LMBR1: variants seen among roughly 807,000 people sequenced by gnomAD.
The protein encoded by LMBR1 is limb region 1 protein homolog.
A neutral mutation model predicts 73.9 loss-of-function variants in LMBR1; 52 were observed. That is an observed-to-expected ratio of 0.70 (90% CI 0.56 to 0.89). LMBR1 has a LOEUF of 0.89. LMBR1 is among the 40% of genes least tolerant of loss of function. LMBR1 has a pLI of 0.00. For missense variants in LMBR1, 539 were observed against 579.8 expected (o/e 0.93, Z 0.72); for synonymous variants, 215 against 209.4 (o/e 1.03, Z -0.23).
chr7:156,773,178 C>T (rs1255052764), intron 5 of LMBR1, among the ~76,000 whole-genome samples: 1 of 152,140 alleles, frequency 6.6e-6, no homozygotes, highest in East Asian at 1.9e-4. Context: ...TTAAAAAACA[C>T]TGCTCAAGGA....
intron 4 of LMBR1, among the ~76,000 whole-genome samples, chr7:156,806,534 CAG>C (rs1421724641): frequency 6.7e-6 from 1 of 148,214 alleles, no homozygotes; most frequent in Non-Finnish European, 1.5e-5. Flanking sequence ...TTCCTGATCT[CAG>C]GGGGAAAGCA....
intron 3 of LMBR1, among the ~76,000 whole-genome samples, chr7:156,832,682 T>C (rs919247596): frequency 5.9e-5 from 9 of 152,252 alleles, no homozygotes; most frequent in Non-Finnish European, 1.3e-4. Context: ...TGTGTACAAG[T>C]ATGTGAAAGC....
At chr7:156,711,268 G>A (rs575812396) in intron 15 of LMBR1, among the ~76,000 whole-genome samples, 7 of 152,176 alleles carry the variant, frequency 4.6e-5, no homozygotes, top group Admixed American at 6.5e-5. Context: ...CCAAGATTAC[G>A]CCACTGCACT....
intron 4 of LMBR1, among the ~76,000 whole-genome samples, chr7:156,806,598 CTTTTTTTTTTTTT>C (rs71189962): frequency 4.5e-5 from 2 of 44,672 alleles, no homozygotes; most frequent in Non-Finnish European, 7.9e-5. Context: ...TTTGTAGATG[CTTTTTTTTTTTTT>C]TTTTTTTTTT....
chr7:156,867,176 C>G (rs1352738657), intron 1 of LMBR1, among the ~76,000 whole-genome samples: 1 of 152,220 alleles, frequency 6.6e-6, no homozygotes, highest in Non-Finnish European at 1.5e-5. Flanking sequence ...TGCTCAACAT[C>G]ATTAGTCATC....
In LMBR1 at chr7:156,728,733, A is replaced by G. The variant is rs1563225550; in HGVS notation, c.839-13T>C. 5 of 1,534,400 alleles carry G rather than the reference A, an allele frequency of 3.3e-6. No individual in the cohort carries two copies. The highest frequency in any genetic ancestry group is 4.4e-6 in the Non-Finnish European group (5 of 1,128,246). On this transcript the variant is annotated splice_polypyrimidine_tract_variant and intron_variant, in intron 10 of 16. Transcript: ENST00000353442. ...TTTTTTCGCCTCTCTATTAAAAGGA[A>G]AAACAAAATAAAACAAAGTTTTCTC...
At chr7:156,671,202 G>C (rs1802415420) in intron 4 of LMBR1, among the ~76,000 whole-genome samples, 1 of 152,228 alleles carries the variant, frequency 6.6e-6, no homozygotes, top group Non-Finnish European at 1.5e-5. Flanking sequence ...TGGCAGGGCA[G>C]ATGGAAGACA....
intron 1 of LMBR1, among the ~76,000 whole-genome samples, chr7:156,846,435 CTATT>C (rs779840814): frequency 2.0e-5 from 3 of 152,108 alleles, no homozygotes; most frequent in Non-Finnish European, 2.9e-5. Context: ...ATGTAAAACA[CTATT>C]TATATTAGCA....
chr7:156,700,093 C>A (rs1277650364), intron 15 of LMBR1, among the ~76,000 whole-genome samples: 1 of 152,118 alleles, frequency 6.6e-6, no homozygotes, highest in South Asian at 2.1e-4. Flanking sequence ...CACATGCACA[C>A]GTATGTTTAT....
intron 15 of LMBR1, among the ~76,000 whole-genome samples, chr7:156,719,957 A>C (rs1240282741): frequency 2.6e-5 from 4 of 151,696 alleles, no homozygotes; most frequent in Non-Finnish European, 3.0e-5. Flanking sequence ...AATTAATTCA[A>C]GATGGATTAA....
intron 9 of LMBR1, among the ~76,000 whole-genome samples, chr7:156,746,330 C>T (rs912191047): frequency 1.3e-5 from 2 of 152,038 alleles, no homozygotes; most frequent in South Asian, 2.1e-4. Context: ...AAAATAAGCT[C>T]ATGAGTATTT....
At chr7:156,812,443 C>T (rs1478992373) in intron 4 of LMBR1, among the ~76,000 whole-genome samples, 13 of 152,100 alleles carry the variant, frequency 8.5e-5, no homozygotes, top group Admixed American at 8.5e-4. Flanking sequence ...CTTGACCCAC[C>T]TTTGTTAGAG....
chr7:156,696,191 T>C (rs545313506), intron 15 of LMBR1, among the ~76,000 whole-genome samples: 1 of 152,172 alleles, frequency 6.6e-6, no homozygotes, highest in South Asian at 2.1e-4. Context: ...GCACAATCCA[T>C]AAAAGAAAAT....
intron 1 of LMBR1, among the ~76,000 whole-genome samples, chr7:156,878,869 G>A (rs1043948252): frequency 1.3e-5 from 2 of 152,212 alleles, no homozygotes; most frequent in East Asian, 1.9e-4. Flanking sequence ...ACAGACCAAC[G>A]GAACAGAATG....
chr7:156,753,854 C>T (rs112712572), intron 9 of LMBR1, among the ~76,000 whole-genome samples: 4,835 of 152,176 alleles, frequency 0.032, 123 homozygotes, highest in South Asian at 0.084. Flanking sequence ...CTTAGCCAAA[C>T]GACAGGTGCT....
At chr7:156,873,452 G>A (rs1799646651) in intron 1 of LMBR1, among the ~76,000 whole-genome samples, 3 of 152,166 alleles carry the variant, frequency 2.0e-5, no homozygotes, top group Admixed American at 2.0e-4. Context: ...CTTCCACAGT[G>A]TGGAAGGTGA....
intron 15 of LMBR1, among the ~76,000 whole-genome samples, chr7:156,707,800 A>T (rs1811273290): frequency 6.6e-6 from 1 of 152,096 alleles, no homozygotes; most frequent in Non-Finnish European, 1.5e-5. Context: ...AATTTTCACC[A>T]CTCCTATTCA....
intron 4 of LMBR1, among the ~76,000 whole-genome samples, chr7:156,824,519 A>G (rs1835331919): frequency 6.6e-6 from 1 of 152,202 alleles, no homozygotes; most frequent in Admixed American, 6.5e-5. Context: ...CTAATGCACC[A>G]CAGCCTTCTA....
At chr7:156,815,174 A>AAG (rs1290487522) in intron 4 of LMBR1, among the ~76,000 whole-genome samples, 1 of 151,340 alleles carries the variant, frequency 6.6e-6, no homozygotes, top group Non-Finnish European at 1.5e-5. Context: ...AAAAAAAAAA[A>AAG]AGTACAAAAA....
Sources: allele counts gnomAD v4.1 joint callset (sites outside exome capture counted in the v4.1 genomes callset), GRCh38; gene constraint gnomAD v4.1.1; transcripts MANE v1.5; gene names NCBI Gene and HGNC (gene_info 2026-07-23, HGNC 2026-07-21).